The following RBM47 variants were observed in gnomAD, a reference collection of about 807,000 sequenced individuals.
RBM47 encodes the protein RNA-binding protein 47.
RBM47 carries 21 observed loss-of-function variants against 47.1 expected under a neutral mutation model. That is an observed-to-expected ratio of 0.45 (90% confidence interval 0.32 to 0.64). The LOEUF is 0.64. RBM47 is among the 30% of genes least tolerant of loss of function. The probability of loss-of-function intolerance (pLI) is 0.05; values close to 1 mark genes in which losing one functional copy is unlikely to be tolerated. For synonymous variants in RBM47, 375 were observed against 361.7 expected (o/e 1.04, Z -0.42); for missense variants, 708 against 870.9 (o/e 0.81, Z 2.35).
intron 1 of RBM47, among the ~76,000 whole-genome samples, chr4:40,598,758 A>T (rs1458611812): frequency 6.6e-6 from 1 of 151,906 alleles, no homozygotes; most frequent in Non-Finnish European, 1.5e-5. Flanking sequence ...GGGTTTCTAC[A>T]TTCTATATTC....
At position 40,442,204 on chromosome 4, in the gene RBM47, C is replaced by T. The variant is rs190553862; in HGVS notation, c.-31-3280G>A. On this transcript the variant is annotated intron_variant, in intron 3 of 6. Coordinates refer to ENST00000295971, the MANE Select transcript of RBM47 (RefSeq NM_001098634.2). Reference sequence around the variant, plus strand: ...GAGGAGACGAATCAATGCATACATACATGCATATATATCTAATTACAGCCA... The same window carrying T: ...GAGGAGACGAATCAATGCATACATATATGCATATATATCTAATTACAGCCA... 3.5e-3 allele frequency among the ~76,000 whole-genome samples: 540 copies of T among 152,262 alleles called. 3 individuals are homozygous for T. The highest frequency in any genetic ancestry group is 0.014 in the Middle Eastern group (4 of 294).
intron 6 of RBM47, among the ~76,000 whole-genome samples, chr4:40,430,573 C>T (rs1301615160): frequency 6.6e-6 from 1 of 152,192 alleles, no homozygotes; most frequent in African/African-American, 2.4e-5. Context: ...TAATGACATA[C>T]TGAAAGATAA....
chr4:40,580,217 T>C (rs1008958076), intron 1 of RBM47, among the ~76,000 whole-genome samples: 1 of 151,790 alleles, frequency 6.6e-6, no homozygotes, highest in Non-Finnish European at 1.5e-5. Context: ...TGTTTCCTCA[T>C]ACTTTTTTTT....
rs148235331 is a variant in RBM47 at position 40,548,125 on chromosome 4, G to A, written c.-239-3619C>T. Among the ~76,000 whole-genome samples the A allele has an allele frequency of 6.0e-3, 912 of 152,336 alleles. 12 individuals carry two copies. The highest frequency in any genetic ancestry group is 0.021 in the African/African-American group (882 of 41,572). Reference sequence around the variant, plus strand: ...CCAGCTCTAATCCACAAGGGGCCCTGGAAGCTGGGAAGAAGATGATCCCAT... The same window carrying A: ...CCAGCTCTAATCCACAAGGGGCCCTAGAAGCTGGGAAGAAGATGATCCCAT... On this transcript the variant is annotated intron_variant, in intron 1 of 6. Transcript: ENST00000295971.
At chr4:40,437,121 TATATATATATAAAATAC>T (rs1470930326) in intron 4 of RBM47, among the ~76,000 whole-genome samples, 10 of 89,734 alleles carry the variant, frequency 1.1e-4, no homozygotes, top group East Asian at 4.8e-4. Context: ...AAAATACATA[TATATATATATAAAATAC>T]ATATATATAT....
At chr4:40,441,686 C>G (rs1195902392) in intron 3 of RBM47, among the ~76,000 whole-genome samples, 1 of 152,182 alleles carries the variant, frequency 6.6e-6, no homozygotes, top group Non-Finnish European at 1.5e-5. Context: ...TCCTGTCACC[C>G]TAACTGTGCT....
chr4:40,439,774 A>T (rs1317721736), intron 3 of RBM47, among the ~76,000 whole-genome samples: 1 of 152,228 alleles, frequency 6.6e-6, no homozygotes, highest in Non-Finnish European at 1.5e-5. Context: ...GCTTAGGTTG[A>T]GTAAACTGCC....
At chr4:40,556,171 G>C (rs1730064083) in intron 1 of RBM47, among the ~76,000 whole-genome samples, 1 of 151,662 alleles carries the variant, frequency 6.6e-6, no homozygotes, top group African/African-American at 2.4e-5. Flanking sequence ...GAGTAGCTGG[G>C]ATTACAGGCA....
intron 1 of RBM47, among the ~76,000 whole-genome samples, chr4:40,545,611 C>T (rs1728956197): frequency 6.8e-6 from 1 of 145,994 alleles, no homozygotes; most frequent in Non-Finnish European, 1.5e-5. Context: ...TTGCAGTGAG[C>T]CAAGATCACG....
intron 3 of RBM47, among the ~76,000 whole-genome samples, chr4:40,440,601 C>G (rs186679554): frequency 1.3e-5 from 2 of 152,078 alleles, no homozygotes; most frequent in Non-Finnish European, 2.9e-5. Flanking sequence ...CAAAATAGTC[C>G]TTTTGTGGTT....
chr4:40,446,140 T>G (rs1030690549), intron 3 of RBM47, among the ~76,000 whole-genome samples: 1 of 152,238 alleles, frequency 6.6e-6, no homozygotes, highest in African/African-American at 2.4e-5. Context: ...GATGACTGTA[T>G]TAACCAATGT....
intron 2 of RBM47, among the ~76,000 whole-genome samples, chr4:40,487,879 T>C (rs764318061): frequency 2.6e-5 from 4 of 152,186 alleles, no homozygotes; most frequent in Non-Finnish European, 5.9e-5. Flanking sequence ...TTTTCTTACT[T>C]TTCCCCTATG....
At chr4:40,588,550 A>G (rs1358216527) in intron 1 of RBM47, among the ~76,000 whole-genome samples, 1 of 152,168 alleles carries the variant, frequency 6.6e-6, no homozygotes, top group Non-Finnish European at 1.5e-5. Flanking sequence ...TGAAATTCAC[A>G]CAGCAGGTCA....
chr4:40,588,812 A>G (rs1222151767), intron 1 of RBM47, among the ~76,000 whole-genome samples: 1 of 152,000 alleles, frequency 6.6e-6, no homozygotes, highest in Non-Finnish European at 1.5e-5. Context: ...CAGGAGCAAC[A>G]AGGAGAGACA....
intron 1 of RBM47, among the ~76,000 whole-genome samples, chr4:40,569,048 C>CAGAT (rs1417961215): frequency 1.8e-4 from 26 of 146,396 alleles, no homozygotes; most frequent in South Asian, 4.3e-4. Context: ...GACAGACAGA[C>CAGAT]AGATAGATAG....
intron 1 of RBM47, among the ~76,000 whole-genome samples, chr4:40,580,289 T>A (rs1307093929): frequency 6.6e-6 from 1 of 152,044 alleles, no homozygotes; most frequent in Non-Finnish European, 1.5e-5. Flanking sequence ...CTGTCTCATC[T>A]CCCTCATCCA....
chr4:40,572,757 A>G (rs1254421645), intron 1 of RBM47, among the ~76,000 whole-genome samples: 3 of 151,878 alleles, frequency 2.0e-5, no homozygotes, highest in Non-Finnish European at 4.4e-5. Flanking sequence ...TTAAAAAATA[A>G]TAATAATGAA....
intron 2 of RBM47, among the ~76,000 whole-genome samples, chr4:40,538,599 A>G (rs1049575083): frequency 4.0e-5 from 6 of 151,828 alleles, no homozygotes; most frequent in African/African-American, 1.5e-4. Flanking sequence ...TGCTGGGATT[A>G]TAGGTGTAAG....
chr4:40,466,773 G>T (rs1361216024), intron 2 of RBM47, 74 bp from the exon 3 acceptor site: 1 of 65,854 alleles, frequency 1.5e-5, no homozygotes, highest in African/African-American at 1.1e-4. Flanking sequence ...TTAGAAATTG[G>T]GGGGGGGGGG....
Sources: allele counts gnomAD v4.1 joint callset (sites outside exome capture counted in the v4.1 genomes callset), GRCh38; gene constraint gnomAD v4.1.1; transcripts MANE v1.5; gene names NCBI Gene and HGNC (gene_info 2026-07-23, HGNC 2026-07-21).